PLEKHM1: variants seen among roughly 807,000 people sequenced by gnomAD.
PLEKHM1 encodes the protein pleckstrin homology and RUN domain containing M1.
In PLEKHM1, 28 loss-of-function variants were observed where a neutral mutation model predicts 94.3. The observed-to-expected ratio is 0.30, with a 90% CI of 0.22 to 0.41. The LOEUF (loss-of-function observed/expected upper bound fraction) is 0.41, where lower values mean the gene tolerates loss of function less well. PLEKHM1 is among the 10% of genes least tolerant of loss of function. PLEKHM1 has a pLI of 1.00. For missense variants in PLEKHM1, 907 were observed against 1,358.6 expected, an observed-to-expected ratio of 0.67 and a Z score of 5.22; for synonymous variants, 424 against 581.2, an observed-to-expected ratio of 0.73 and a Z score of 3.89.
At position 45,453,631 on chromosome 17, in the gene PLEKHM1, C is replaced by T. The variant is rs2050843655; in HGVS notation, c.2221G>A (p.Gly741Arg). 6.2e-7 allele frequency: 1 copy of T among 1,610,688 alleles called. No individual in the cohort carries two copies. The highest frequency in any genetic ancestry group is 8.5e-7 in the Non-Finnish European group (1 of 1,178,482). The change falls in exon 7 of 12, where the codon GGG becomes AGG. Residue 741 changes from glycine to arginine, a missense_variant. This residue lies in a region of PLEKHM1 where 254 missense variants were observed against 451.1 expected (regional missense o/e 0.56). Transcript: ENST00000430334. This position sits in a 1 kb window ranked among gnomAD's most constrained non-coding sequence, Gnocchi z 4.1. ...ATGATTTTGAAGAAGGATGGGCCCC[C>T]AAGGCTGGTGTCTGGCAGGATGTCC... is the stretch of plus-strand genomic sequence containing the variant. ...IRDILPDTSL[G>R]GPSFFKIITA...
chr17:45,478,642 TGAG>T (rs776533918), intron 2 of PLEKHM1, among the ~76,000 whole-genome samples: 1 of 152,106 alleles, frequency 6.6e-6, no homozygotes, highest in Non-Finnish European at 1.5e-5. Flanking sequence ...AATAAAAACA[TGAG>T]GAGAACAGGA....
At chr17:45,480,782 C>T (rs1322423772) in intron 2 of PLEKHM1, among the ~76,000 whole-genome samples, 1 of 152,130 alleles carries the variant, frequency 6.6e-6, no homozygotes, top group African/African-American at 2.4e-5. Context: ...GAAAATATTC[C>T]GCTGCCTAGA....
chr17:45,450,609 G>C lies in PLEKHM1; in HGVS notation c.2643+9C>G. On this transcript the variant is annotated intron_variant, in intron 8 of 11. Coordinates refer to ENST00000430334, the MANE Select transcript of PLEKHM1 (RefSeq NM_014798.3). ...CCTCAGCAGCTGGGCTGCTGGGCTT[G>C]AGACTTACCGGGCGCTTGGTGAGGT... 2 of 1,613,730 alleles carry C rather than the reference G, an allele frequency of 1.2e-6. No individual in the cohort carries two copies. The highest frequency in any genetic ancestry group is 1.7e-6 in the Non-Finnish European group (2 of 1,179,854).
intron 5 of PLEKHM1, among the ~76,000 whole-genome samples, chr17:45,467,435 G>A (rs1453717350): frequency 1.3e-5 from 2 of 152,172 alleles, no homozygotes; most frequent in East Asian, 3.8e-4. Flanking sequence ...TCTAAAACCT[G>A]GGTCATGTTG....
At chr17:45,464,864 G>A (rs1320054283) in intron 5 of PLEKHM1, among the ~76,000 whole-genome samples, 1 of 152,114 alleles carries the variant, frequency 6.6e-6, no homozygotes, top group African/African-American at 2.4e-5. Context: ...ATCACGCCTC[G>A]CCTGAACGTC....
At chr17:45,478,419 G>A (rs966818339) in intron 2 of PLEKHM1, among the ~76,000 whole-genome samples, 3 of 152,058 alleles carry the variant, frequency 2.0e-5, no homozygotes, top group Non-Finnish European at 4.4e-5. Context: ...GATACTTTTT[G>A]TTTTTTAGAC....
chr17:45,434,654 A>G (rs1211303790), downstream of PLEKHM1, among the ~76,000 whole-genome samples: 1 of 152,144 alleles, frequency 6.6e-6, no homozygotes, highest in Non-Finnish European at 1.5e-5. Context: ...CATGTTGGCC[A>G]GGCTGGTCTT....
rs1461575946 is a variant in PLEKHM1, at chr17:45,437,542, T to G, written c.*316A>C. On this transcript the variant is annotated 3_prime_UTR_variant, in exon 12 of 12. Transcript: ENST00000430334. The surrounding 1 kb of genome is among the most constrained non-coding windows in gnomAD (Gnocchi z 4.0). ...CCCCAAGTCCCCTTTCCACAGTGTT[T>G]GGGCAGCCCTAACGGAGGCGCCGGG... 8.3e-6 allele frequency: 5 copies of G among 603,104 alleles called. No individual in the cohort carries two copies. In the East Asian group the frequency reaches 1.8e-4, roughly 22 times the overall value. 37.4% of individuals were successfully genotyped at this position (603,104 alleles called of 1,614,324 possible). A position where few individuals can be genotyped will look rare whatever the true frequency, so the allele number is the denominator to read the frequency against.
chr17:45,436,938 C>T lies in PLEKHM1; in HGVS notation c.*920G>A, dbSNP rs1331062584. ...GTCAGGCAGAGAGTGTGACCCCGGG[C>T]ACCCACCAAGGTGGGCCTGGAGCAT... On this transcript the variant is annotated 3_prime_UTR_variant, in exon 12 of 12. Transcript: ENST00000430334. 2.2e-6 allele frequency: 1 copy of T among 448,056 alleles called. No individual in the cohort carries two copies. The highest frequency in any genetic ancestry group is 1.6e-5 in the South Asian group (1 of 64,308). 27.8% of individuals were successfully genotyped at this position (448,056 alleles called of 1,614,324 possible).
chr17:45,482,862 C>A (rs1037361030), intron 1 of PLEKHM1, among the ~76,000 whole-genome samples: 1 of 151,640 alleles, frequency 6.6e-6, no homozygotes, highest in African/African-American at 2.4e-5. Context: ...CAGGCTGATT[C>A]AGATACGGAG....
chr17:45,455,601 A>G (rs1187415638), intron 6 of PLEKHM1, among the ~76,000 whole-genome samples: 1 of 152,108 alleles, frequency 6.6e-6, no homozygotes, highest in Non-Finnish European at 1.5e-5. Context: ...ATCCTTCCAG[A>G]TGCCTGGGCT....
chr17:45,437,570 G>A lies in PLEKHM1; in HGVS notation c.*288C>T, dbSNP rs1176275577. On this transcript the variant is annotated 3_prime_UTR_variant, in exon 12 of 12. Coordinates refer to ENST00000430334, the MANE Select transcript of PLEKHM1 (RefSeq NM_014798.3). The surrounding 1 kb of genome is among the most constrained non-coding windows in gnomAD (Gnocchi z 4.0). ...GCAGCCCTAACGGAGGCGCCGGGAC[G>A]CTGGTGAGCCAGGGCCTGGTGAGTA... The A allele has an allele frequency of 9.4e-6, 6 of 635,640 alleles. No individual in the cohort carries two copies. The highest frequency in any genetic ancestry group is 9.0e-5 in the African/African-American group (5 of 55,770). 39.4% of individuals were successfully genotyped at this position (635,640 alleles called of 1,614,324 possible).
At chr17:45,466,021 G>C (rs2051310463) in intron 5 of PLEKHM1, among the ~76,000 whole-genome samples, 1 of 152,120 alleles carries the variant, frequency 6.6e-6, no homozygotes, top group African/African-American at 2.4e-5. Flanking sequence ...CCTTCAGCTT[G>C]AGTTGGCAGG....
intron 4 of PLEKHM1, among the ~76,000 whole-genome samples, chr17:45,471,459 G>T (rs544446374): frequency 6.6e-6 from 1 of 151,346 alleles, no homozygotes; most frequent in African/African-American, 2.4e-5. Flanking sequence ...GTAACTAAGA[G>T]AATTAAAAAC....
At chr17:45,440,350 G>T (rs2050410760) in intron 9 of PLEKHM1, 124 bp from the exon 10 acceptor site, 3 of 936,764 alleles carry the variant, frequency 3.2e-6, no homozygotes, top group African/African-American at 1.6e-5. Flanking sequence ...GCGGGGCAGG[G>T]GCTAGGAGTG....
chr17:45,452,873 G>T (rs1341781389), intron 7 of PLEKHM1: 1 of 205,896 alleles, frequency 4.9e-6, no homozygotes, highest in Non-Finnish European at 1.0e-5. Context: ...TCGCAGCTAT[G>T]GCACTGGACA....
chr17:45,462,357 C>T (rs2684526), intron 5 of PLEKHM1, among the ~76,000 whole-genome samples: 15,917 of 146,186 alleles, frequency 0.11, 1,258 homozygotes, highest in Middle Eastern at 0.2. Flanking sequence ...CTGGGGGACC[C>T]CCCTGAGGAA....
At chr17:45,458,546 C>T in intron 5 of PLEKHM1, 107 bp from the exon 6 acceptor site, 1 of 1,067,948 alleles carries the variant, frequency 9.4e-7, no homozygotes, top group Non-Finnish European at 1.4e-6. Flanking sequence ...CCTCGGCTCA[C>T]TGCAACCTCT....
intron 10 of PLEKHM1, 70 bp downstream of exon 10, chr17:45,440,093 C>T (rs1290368083): frequency 7.1e-7 from 1 of 1,415,304 alleles, no homozygotes; most frequent in East Asian, 2.3e-5. Context: ...CCTCTTCCAT[C>T]TTCCTTGCTG....
Sources: allele counts gnomAD v4.1 joint callset (sites outside exome capture counted in the v4.1 genomes callset), GRCh38; gene constraint gnomAD v4.1.1; regional missense constraint gnomAD v4.1.1; non-coding constraint Gnocchi (gnomAD v3.1); transcripts MANE v1.5; gene names NCBI Gene and HGNC (gene_info 2026-07-23, HGNC 2026-07-21).